The following PHKB variants were observed in gnomAD, a reference collection of about 807,000 sequenced individuals.
PHKB encodes the protein phosphorylase kinase regulatory subunit beta.
A neutral mutation model predicts 152.1 loss-of-function variants in PHKB; 122 were observed. The observed-to-expected ratio is 0.80, with a 90% CI of 0.69 to 0.93. The LOEUF is 0.93. PHKB is among the 40% of genes least tolerant of loss of function. PHKB has a pLI of 0.00. For synonymous variants in PHKB, 436 were observed against 464.9 expected (o/e 0.94, Z 0.80); for missense variants, 1,304 against 1,328.4 (o/e 0.98, Z 0.29).
chr16:47,679,396 T>C (rs1248692288), intron 26 of PHKB, among the ~76,000 whole-genome samples: 2 of 152,148 alleles, frequency 1.3e-5, no homozygotes, highest in Non-Finnish European at 2.9e-5. Context: ...TTCTTCCTAC[T>C]CATGAGCATG....
intron 13 of PHKB, among the ~76,000 whole-genome samples, chr16:47,601,107 C>T (rs1159095950): frequency 6.6e-6 from 1 of 152,150 alleles, no homozygotes; most frequent in Non-Finnish European, 1.5e-5. Context: ...GTCCCAGCTA[C>T]TCAGGAGGCT....
chr16:47,549,790 G>T (rs1808950040), intron 7 of PHKB, among the ~76,000 whole-genome samples: 1 of 152,172 alleles, frequency 6.6e-6, no homozygotes, highest in African/African-American at 2.4e-5. Context: ...ATGTCAGAAG[G>T]TCCCTGGTGA....
At chr16:47,562,722 T>C (rs1971497180) in intron 7 of PHKB, among the ~76,000 whole-genome samples, 1 of 152,206 alleles carries the variant, frequency 6.6e-6, no homozygotes, top group Admixed American at 6.5e-5. Context: ...TGTGACACTT[T>C]CTCAAAATAA....
chr16:47,545,248 G>A (rs935558854), intron 6 of PHKB, among the ~76,000 whole-genome samples: 1 of 152,122 alleles, frequency 6.6e-6, no homozygotes, highest in African/African-American at 2.4e-5. Flanking sequence ...TCCTTTCCAT[G>A]TTTAGTGCTT....
Position 47,578,805 on chromosome 16 carries a change from G to A in PHKB, c.711-1490G>A, listed in dbSNP as rs772819506. ...ATAGACTCAGGAATGTAGAAGTCTC[G>A]GTTTCTACTCAGCCTTTGCTGGAAT... On this transcript the variant is annotated intron_variant, in intron 7 of 30. Transcript: ENST00000323584. Among the ~76,000 whole-genome samples the A allele has an allele frequency of 7.2e-5, 11 of 152,146 alleles. No homozygotes were observed. The South Asian group carries it at 1.9e-3, about 26-fold the overall frequency.
At chr16:47,587,841 A>G (rs1971961027) in intron 9 of PHKB, 78 bp downstream of exon 9, 3 of 1,052,292 alleles carry the variant, frequency 2.9e-6, no homozygotes, top group South Asian at 1.3e-5. Flanking sequence ...AATTTCCAGT[A>G]AAGTACTCTA....
intron 1 of PHKB, among the ~76,000 whole-genome samples, chr16:47,478,834 A>G (rs1304959109): frequency 1.3e-5 from 2 of 152,132 alleles, no homozygotes; most frequent in Non-Finnish European, 2.9e-5. Flanking sequence ...TTGCATATTG[A>G]CAGCACCCAC....
At chr16:47,598,378 A>T (rs1972160532) in intron 13 of PHKB, among the ~76,000 whole-genome samples, 1 of 152,188 alleles carries the variant, frequency 6.6e-6, no homozygotes, top group Non-Finnish European at 1.5e-5. Flanking sequence ...TGCATTGAAG[A>T]TCTGTAGGAA....
In PHKB at chr16:47,609,667, G is replaced by A. The variant is rs74548446; in HGVS notation, c.1364-1159G>A. 4.3e-3 allele frequency among the ~76,000 whole-genome samples: 660 copies of A among 151,902 alleles called. 3 individuals carry two copies. The highest frequency in any genetic ancestry group is 7.0e-3 in the Non-Finnish European group (476 of 67,956). ...CAGTTTTGGTAGTTTGTGTCTTTCC[G>A]GGAATAATTCATCCATTTCATCTAG... On this transcript the variant is annotated intron_variant, in intron 13 of 30. Coordinates refer to ENST00000323584, the MANE Select transcript of PHKB (RefSeq NM_000293.3).
Position 47,499,764 on chromosome 16 carries a change from A to T in PHKB, c.175A>T (p.Thr59Ser). The T allele has an allele frequency of 6.2e-7, 1 of 1,614,216 alleles. No homozygotes were observed. Among genetic ancestry groups the T allele is most frequent in the African/African-American group, 1.3e-5 (1 of 75,078 alleles). Reference protein sequence around the residue: ...LDHYYRIVKSTLLLYQSPTTG... With the variant: ...LDHYYRIVKSSLLLYQSPTTG... ...CTTGTCCTCAATTGCAGTCAAGTCA[A>T]CATTGCTGCTGTATCAAAGTCCAAC... is the stretch of plus-strand genomic sequence containing the variant. The change falls in exon 3 of 31, where the codon ACA (threonine) becomes TCA (serine). Residue 59 changes from threonine to serine, a missense_variant. Coordinates refer to ENST00000323584, the MANE Select transcript of PHKB (RefSeq NM_000293.3).
chr16:47,668,424 T>G (rs1479299923), intron 25 of PHKB, among the ~76,000 whole-genome samples: 1 of 152,206 alleles, frequency 6.6e-6, no homozygotes, highest in Non-Finnish European at 1.5e-5. Context: ...TTTTCCTGCC[T>G]TTTATAATTG....
intron 6 of PHKB, among the ~76,000 whole-genome samples, chr16:47,546,836 T>C (rs1039287197): frequency 6.6e-6 from 1 of 152,088 alleles, no homozygotes; most frequent in Non-Finnish European, 1.5e-5. Context: ...CAGCCAGGCT[T>C]GCTGCCGTGC....
intron 14 of PHKB, among the ~76,000 whole-genome samples, chr16:47,629,204 A>T (rs1461079201): frequency 6.6e-6 from 1 of 152,154 alleles, no homozygotes. Context: ...GCTTCTGCAC[A>T]GCAAAAGAAA....
At chr16:47,527,555 C>T (rs1197968576) in intron 6 of PHKB, among the ~76,000 whole-genome samples, 2 of 152,150 alleles carry the variant, frequency 1.3e-5, no homozygotes, top group South Asian at 4.2e-4. Flanking sequence ...AGAAAGTGCA[C>T]GGCAATAAAT....
intron 28 of PHKB, 111 bp from the exon 29 acceptor site, chr16:47,696,270 A>G: frequency 1.4e-6 from 1 of 726,166 alleles, no homozygotes; most frequent in East Asian, 2.7e-5. Flanking sequence ...AATGTTCTCC[A>G]AGGTTTTATA....
At chr16:47,649,578 C>T (rs1168096065) in intron 18 of PHKB, among the ~76,000 whole-genome samples, 1 of 152,128 alleles carries the variant, frequency 6.6e-6, no homozygotes, top group Non-Finnish European at 1.5e-5. Context: ...CCTCAACTAA[C>T]TCATAACTCC....
At chr16:47,669,890 A>G (rs569250000) in intron 26 of PHKB, among the ~76,000 whole-genome samples, 1 of 152,356 alleles carries the variant, frequency 6.6e-6, no homozygotes, top group African/African-American at 2.4e-5. Context: ...TGGAGAAGAA[A>G]TCAAAATAAG....
chr16:47,523,849 C>G (rs1488790419), intron 6 of PHKB, among the ~76,000 whole-genome samples: 5 of 152,200 alleles, frequency 3.3e-5, no homozygotes, highest in Non-Finnish European at 5.9e-5. Flanking sequence ...TGCCTGTGTT[C>G]AAGGAGCTGT....
Position 47,649,083 on chromosome 16 carries a change from A to G in PHKB, c.1693-17A>G. ...TATGTTCTTTAGTTATTTGTTTTAAAACTTTTTCCCTTACAGATTTATCGC... is the reference window on the plus strand; with the variant it reads ...TATGTTCTTTAGTTATTTGTTTTAAGACTTTTTCCCTTACAGATTTATCGC... On this transcript the variant is annotated splice_polypyrimidine_tract_variant and intron_variant, in intron 17 of 30. Transcript: ENST00000323584. The G allele has an allele frequency of 7.0e-7, 1 of 1,427,118 alleles. No individual in the cohort carries two copies. Among genetic ancestry groups the G allele is most frequent in the Non-Finnish European group, 9.9e-7 (1 of 1,009,388 alleles). The allele number at this position is 1,427,118 out of a possible 1,614,324, so 88.4% of individuals were successfully genotyped here.
Sources: gnomAD v4.1 joint callset for allele counts (sites outside exome capture counted in the v4.1 genomes callset) on GRCh38, gnomAD v4.1.1 for gene constraint, MANE v1.5 for transcripts, NCBI Gene and HGNC (gene_info 2026-07-23, HGNC 2026-07-21) for gene names.